Variants in RARB observed in about 807,000 individuals in gnomAD.
RARB encodes retinoic acid receptor beta.
RARB carries 17 observed loss-of-function variants against 51.9 expected under a neutral mutation model. That is an observed-to-expected ratio of 0.33 (90% CI 0.22 to 0.49). The LOEUF is 0.49. Ranked by LOEUF, RARB falls within the 20% of genes least tolerant of loss-of-function variation. The pLI is 0.99. For synonymous variants in RARB, 215 were observed against 195.4 expected, an observed-to-expected ratio of 1.10 and a Z score of -0.84; for missense variants, 369 against 550.8, an observed-to-expected ratio of 0.67 and a Z score of 3.30.
intron 5 of RARB, among the ~76,000 whole-genome samples, chr3:25,191,584 T>C (rs1252501120): frequency 1.3e-5 from 2 of 152,062 alleles, no homozygotes; most frequent in Admixed American, 1.3e-4. Flanking sequence ...AGTGAAAAGA[T>C]CCATATTGAG....
At chr3:24,924,819 A>G (rs993309330) in intron 2 of RARB, among the ~76,000 whole-genome samples, 2 of 152,000 alleles carry the variant, frequency 1.3e-5, no homozygotes, top group African/African-American at 4.8e-5. Flanking sequence ...AAGTATCTTA[A>G]CCTCTTGTGA....
intron 2 of RARB, among the ~76,000 whole-genome samples, chr3:24,959,753 AAAAAG>A (rs1235845830): frequency 1.3e-5 from 2 of 152,214 alleles, no homozygotes; most frequent in Admixed American, 6.5e-5. Context: ...ATGTTCCACA[AAAAAG>A]AAAAGAGAGG....
chr3:24,889,680 G>GTGTGTGTA (rs991779223), intron 2 of RARB, among the ~76,000 whole-genome samples: 1 of 128,660 alleles, frequency 7.8e-6, no homozygotes, highest in African/African-American at 3.3e-5. Flanking sequence ...CTTAAAGTGT[G>GTGTGTGTA]TGTGTGTGTG....
intron 5 of RARB, among the ~76,000 whole-genome samples, chr3:25,197,980 T>A (rs1021107651): frequency 6.6e-6 from 1 of 151,930 alleles, no homozygotes; most frequent in African/African-American, 2.4e-5. Flanking sequence ...GCTAAAGCTA[T>A]CCTGAGCATA....
chr3:25,106,822 C>T (rs896311518), intron 3 of RARB, among the ~76,000 whole-genome samples: 40 of 152,082 alleles, frequency 2.6e-4, no homozygotes, highest in African/African-American at 7.0e-4. Context: ...GATTCTTCAG[C>T]GGGTTGCTGG....
At chr3:25,490,557 CCTT>C (rs1200295487) in intron 2 of RARB, among the ~76,000 whole-genome samples, 1 of 152,164 alleles carries the variant, frequency 6.6e-6, no homozygotes, top group Non-Finnish European at 1.5e-5. Flanking sequence ...GGCTCTCTCT[CCTT>C]CTGCTTACCT....
chr3:25,157,382 A>ATG (rs1700394899), intron 4 of RARB, among the ~76,000 whole-genome samples: 1 of 101,392 alleles, frequency 9.9e-6, no homozygotes, highest in Non-Finnish European at 2.1e-5. Context: ...GTGTGTGTGT[A>ATG]TATATATGGT....
chr3:25,099,531 A>G (rs1490311649), intron 3 of RARB, among the ~76,000 whole-genome samples: 3 of 151,588 alleles, frequency 2.0e-5, no homozygotes, highest in Admixed American at 2.0e-4. Flanking sequence ...ATCAAATTAC[A>G]TCTTCTTAGA....
At chr3:24,896,246 AT>A in intron 2 of RARB, among the ~76,000 whole-genome samples, 1 of 151,920 alleles carries the variant, frequency 6.6e-6, no homozygotes, top group East Asian at 1.9e-4. Context: ...AGGTACAGAG[AT>A]TTTTGGTGGT....
chr3:25,449,386 G>C (rs538440920), intron 1 of RARB, among the ~76,000 whole-genome samples: 2 of 124,200 alleles, frequency 1.6e-5, no homozygotes. Context: ...AAGAAAACAG[G>C]GCATTATTTC....
chr3:25,110,064 C>A (rs139328124), intron 3 of RARB, among the ~76,000 whole-genome samples: 2 of 152,244 alleles, frequency 1.3e-5, no homozygotes, highest in Non-Finnish European at 2.9e-5. Flanking sequence ...GACATTAAAT[C>A]CTGTCTGTTA....
intron 5 of RARB, among the ~76,000 whole-genome samples, chr3:25,198,856 C>T (rs543477330): frequency 6.6e-6 from 1 of 152,064 alleles, no homozygotes; most frequent in Non-Finnish European, 1.5e-5. Context: ...TAAATTAATA[C>T]AACCACTGTG....
chr3:24,907,738 A>G (rs1694896541), intron 2 of RARB, among the ~76,000 whole-genome samples: 1 of 152,222 alleles, frequency 6.6e-6, no homozygotes, highest in Admixed American at 6.5e-5. Flanking sequence ...TTGAAAAAAA[A>G]GATTTAATAA....
chr3:25,159,412 A>ACCC (rs11393745), intron 4 of RARB, among the ~76,000 whole-genome samples: 9,213 of 140,862 alleles, frequency 0.065, 513 homozygotes, highest in Non-Finnish European at 0.1. Flanking sequence ...CAGATGATCC[A>ACCC]CCCCCCCCGC....
At chr3:24,870,878 G>T (rs1702934475) in intron 2 of RARB, among the ~76,000 whole-genome samples, 1 of 151,788 alleles carries the variant, frequency 6.6e-6, no homozygotes, top group Non-Finnish European at 1.5e-5. Flanking sequence ...CAACTCTTTG[G>T]GTAAAGAACA....
At chr3:24,979,932 C>G (rs1227306711) in intron 2 of RARB, among the ~76,000 whole-genome samples, 3 of 151,486 alleles carry the variant, frequency 2.0e-5, no homozygotes, top group Non-Finnish European at 4.4e-5. Context: ...TTTCCACATG[C>G]TTCCTTCAGG....
At chr3:25,125,723 A>G (rs1559475413) in intron 3 of RARB, among the ~76,000 whole-genome samples, 2 of 152,166 alleles carry the variant, frequency 1.3e-5, no homozygotes, top group Admixed American at 6.5e-5. Context: ...TCAATCAGCA[A>G]CTTTTAGTAG....
intron 3 of RARB, among the ~76,000 whole-genome samples, chr3:25,098,763 T>G (rs1013590612): frequency 6.6e-6 from 1 of 152,202 alleles, no homozygotes; most frequent in African/African-American, 2.4e-5. Context: ...AGAAGTAGTT[T>G]ACTGACCCCG....
intron 3 of RARB, among the ~76,000 whole-genome samples, chr3:25,109,133 T>C (rs768384568): frequency 4.6e-5 from 7 of 152,204 alleles, no homozygotes; most frequent in Non-Finnish European, 1.0e-4. Flanking sequence ...AATCACCTAG[T>C]TCAGTGTTTG....
Sources: gnomAD v4.1 joint callset for allele counts (sites outside exome capture counted in the v4.1 genomes callset) on GRCh38, gnomAD v4.1.1 for gene constraint, MANE v1.5 for transcripts, NCBI Gene and HGNC (gene_info 2026-07-23, HGNC 2026-07-21) for gene names.